TMEM163: variants seen among roughly 807,000 people sequenced by gnomAD.
The protein encoded by TMEM163 is transmembrane protein 163.
A neutral mutation model predicts 29.3 loss-of-function variants in TMEM163; 17 were observed. The observed-to-expected ratio is 0.58, with a 90% CI of 0.40 to 0.87. The LOEUF is 0.87. Among genes scored for constraint, TMEM163 ranks in the 40% least tolerant of loss-of-function variants. The pLI, the probability that TMEM163 is intolerant of heterozygous loss-of-function variation, is 0.00. For synonymous variants in TMEM163, 157 were observed against 160.6 expected, an observed-to-expected ratio of 0.98 and a Z score of 0.17; for missense variants, 303 against 381.5, an observed-to-expected ratio of 0.79 and a Z score of 1.71.
At chr2:134,482,621 C>A (rs1220974400) in intron 5 of TMEM163, among the ~76,000 whole-genome samples, 1 of 152,130 alleles carries the variant, frequency 6.6e-6, no homozygotes, top group Non-Finnish European at 1.5e-5. Flanking sequence ...TCACTCTTGT[C>A]TTGAGAACTT....
At chr2:134,637,667 A>G (rs1228204618) in intron 2 of TMEM163, among the ~76,000 whole-genome samples, 1 of 152,144 alleles carries the variant, frequency 6.6e-6, no homozygotes, top group Non-Finnish European at 1.5e-5. Flanking sequence ...TTTGCTTTGC[A>G]AACACTTATT....
At chr2:134,577,111 G>A (rs1187273950) in intron 2 of TMEM163, among the ~76,000 whole-genome samples, 1 of 152,110 alleles carries the variant, frequency 6.6e-6, no homozygotes, top group Non-Finnish European at 1.5e-5. Context: ...ACACCCAACA[G>A]ACTCTTCTTG....
chr2:134,549,796 G>A (rs72984236), intron 4 of TMEM163, among the ~76,000 whole-genome samples: 19,053 of 152,122 alleles, frequency 0.13, 2,637 homozygotes, highest in African/African-American at 0.34. Context: ...ACATATAACT[G>A]CATGCACACA....
intron 4 of TMEM163, among the ~76,000 whole-genome samples, chr2:134,504,749 C>T (rs918560876): frequency 5.9e-5 from 9 of 152,196 alleles, no homozygotes; most frequent in Non-Finnish European, 1.3e-4. Context: ...ACAATTCAGG[C>T]AATAAGTAGG....
chr2:134,549,901 A>G (rs988705573), intron 4 of TMEM163, among the ~76,000 whole-genome samples: 1 of 152,152 alleles, frequency 6.6e-6, no homozygotes, highest in South Asian at 2.1e-4. Context: ...TCATCCTACG[A>G]AAGAGGAATT....
chr2:134,670,348 A>G (rs1054016516), intron 2 of TMEM163, among the ~76,000 whole-genome samples: 1 of 152,166 alleles, frequency 6.6e-6, no homozygotes, highest in Admixed American at 6.5e-5. Flanking sequence ...CATCTCACAC[A>G]GGAGTTGGGC....
At chr2:134,531,768 T>C (rs1425972715) in intron 4 of TMEM163, among the ~76,000 whole-genome samples, 1 of 152,136 alleles carries the variant, frequency 6.6e-6, no homozygotes, top group Non-Finnish European at 1.5e-5. Context: ...ACCCTGTCAT[T>C]ATGGGTTTTT....
intron 2 of TMEM163, among the ~76,000 whole-genome samples, chr2:134,580,967 A>G (rs1346591622): frequency 6.6e-6 from 1 of 152,120 alleles, no homozygotes; most frequent in Admixed American, 6.5e-5. Flanking sequence ...TCTGGGTTTG[A>G]CTAACCAATC....
At chr2:134,501,408 C>A (rs1041954691) in intron 5 of TMEM163, among the ~76,000 whole-genome samples, 1 of 152,138 alleles carries the variant, frequency 6.6e-6, no homozygotes, top group East Asian at 1.9e-4. Context: ...TTACAAGGGC[C>A]GTGAGCACAG....
intron 2 of TMEM163, among the ~76,000 whole-genome samples, chr2:134,678,315 G>C (rs759922345): frequency 6.6e-6 from 1 of 152,216 alleles, no homozygotes. Context: ...TGGCTGTTGA[G>C]CCTCAAGGTC....
chr2:134,680,549 CA>C (rs1395275284), intron 2 of TMEM163, among the ~76,000 whole-genome samples: 1 of 152,190 alleles, frequency 6.6e-6, no homozygotes, highest in Admixed American at 6.5e-5. Flanking sequence ...ACTAAATCAT[CA>C]AAACCTGTAA....
intron 2 of TMEM163, among the ~76,000 whole-genome samples, chr2:134,586,627 G>T (rs1261550604): frequency 6.6e-6 from 1 of 152,222 alleles, no homozygotes; most frequent in East Asian, 1.9e-4. Context: ...TGGGAGTTAG[G>T]ACTTCAACAT....
At chr2:134,655,751 A>G (rs1432370741) in intron 2 of TMEM163, among the ~76,000 whole-genome samples, 1 of 141,696 alleles carries the variant, frequency 7.1e-6, no homozygotes, top group Non-Finnish European at 1.5e-5. Context: ...TCTGTTTGTT[A>G]GTTTTCCTTC....
intron 4 of TMEM163, among the ~76,000 whole-genome samples, chr2:134,518,832 T>C (rs186855411): frequency 6.6e-6 from 1 of 152,326 alleles, no homozygotes; most frequent in African/African-American, 2.4e-5. Flanking sequence ...TCTGCTGCCT[T>C]TCTTGTCTCA....
chr2:134,560,861 G>C (rs1681155433), intron 2 of TMEM163, among the ~76,000 whole-genome samples: 1 of 152,158 alleles, frequency 6.6e-6, no homozygotes, highest in South Asian at 2.1e-4. Flanking sequence ...CTGGGACATG[G>C]GCAGGATGCC....
chr2:134,608,980 G>A (rs867442621), intron 2 of TMEM163, among the ~76,000 whole-genome samples: 93 of 84,626 alleles, frequency 1.1e-3, no homozygotes, highest in African/African-American at 4.6e-3. Context: ...CAGACCCCGA[G>A]AACTGTACTG....
At chr2:134,552,764 T>C (rs1360945603) in intron 2 of TMEM163, among the ~76,000 whole-genome samples, 1 of 149,592 alleles carries the variant, frequency 6.7e-6, no homozygotes, top group Non-Finnish European at 1.5e-5. Context: ...CGGGTTCAAG[T>C]GATTCTCCTG....
intron 2 of TMEM163, among the ~76,000 whole-genome samples, chr2:134,566,236 C>T (rs984592619): frequency 2.0e-5 from 3 of 151,894 alleles, no homozygotes; most frequent in Admixed American, 6.6e-5. Flanking sequence ...ACTGAAAAAA[C>T]GAGAAGAAAA....
chr2:134,691,062 G>A (rs1423223681), intron 2 of TMEM163, among the ~76,000 whole-genome samples: 2 of 152,164 alleles, frequency 1.3e-5, no homozygotes, highest in East Asian at 1.9e-4. Flanking sequence ...TCAGGGGTGG[G>A]GGAGGCACTC....
Sources: allele counts gnomAD v4.1 joint callset (sites outside exome capture counted in the v4.1 genomes callset), GRCh38; gene constraint gnomAD v4.1.1; transcripts MANE v1.5; gene names NCBI Gene and HGNC (gene_info 2026-07-23, HGNC 2026-07-21).